OPRD1: variants seen among roughly 807,000 people sequenced by gnomAD.
OPRD1 encodes the protein delta-type opioid receptor.
OPRD1 carries 19 observed loss-of-function variants against 17.5 expected under a neutral mutation model. That is an observed-to-expected ratio of 1.09 (90% CI 0.76 to 1.60). The LOEUF (loss-of-function observed/expected upper bound fraction) is 1.60. OPRD1 is among the 40% of genes most tolerant of loss of function. The probability of loss-of-function intolerance (pLI) is 0.00; values close to 1 mark genes in which losing one functional copy is unlikely to be tolerated. For missense variants in OPRD1, 483 were observed against 547.2 expected, an observed-to-expected ratio of 0.88 and a Z score of 1.17; for synonymous variants, 256 against 240.9, an observed-to-expected ratio of 1.06 and a Z score of -0.58.
chr1:28,856,048 C>T (rs2089054739), intron 1 of OPRD1, among the ~76,000 whole-genome samples: 1 of 152,188 alleles, frequency 6.6e-6, no homozygotes, highest in African/African-American at 2.4e-5. Flanking sequence ...CTGAGTGCCT[C>T]GTCCTAGGTG....
At chr1:28,858,174 C>T (rs1220608744) in intron 1 of OPRD1, among the ~76,000 whole-genome samples, 2 of 141,122 alleles carry the variant, frequency 1.4e-5, no homozygotes, top group Admixed American at 7.6e-5. Context: ...AGTGCAGTGG[C>T]GCAATCTCGG....
At chr1:28,817,576 C>A (rs1447572415) in intron 1 of OPRD1, among the ~76,000 whole-genome samples, 1 of 152,198 alleles carries the variant, frequency 6.6e-6, no homozygotes, top group African/African-American at 2.4e-5. Flanking sequence ...GGGGTCTGGA[C>A]CCAGGGCCTC....
In OPRD1 at chr1:28,846,846, T is replaced by TTTCTTTCTTTCTTTCTTTTCTTTCTTTC. The variant is rs769212543; in HGVS notation, c.228-12106_228-12105insCTTTCTTTCTTTCTTTTCTTTCTTTCTT. Among the ~76,000 whole-genome samples, 70 of 76,878 alleles carry TTTCTTTCTTTCTTTCTTTTCTTTCTTTC rather than the reference T, an allele frequency of 9.1e-4. 1 individual carries two copies. The highest frequency in any genetic ancestry group is 8.2e-3 in the East Asian group (6 of 732). The allele number at this position is 76,878 out of a possible 152,430, so 50.4% of individuals were successfully genotyped here. On this transcript the variant is annotated intron_variant, in intron 1 of 2. Coordinates refer to ENST00000234961, the MANE Select transcript of OPRD1 (RefSeq NM_000911.4). ...TTTTCTTTCTTTCTTTCTTTCTTTC[T>TTTCTTTCTTTCTTTCTTTTCTTTCTTTC]TTTCTTTCTTTCTTTCTTTCTTTCT...
chr1:28,826,035 C>T (rs1249538381), intron 1 of OPRD1, among the ~76,000 whole-genome samples: 1 of 152,160 alleles, frequency 6.6e-6, no homozygotes, highest in Non-Finnish European at 1.5e-5. Context: ...AAAAGATGGA[C>T]AGTAAACAAA....
chr1:28,841,651 G>C (rs2088897890), intron 1 of OPRD1, among the ~76,000 whole-genome samples: 1 of 152,038 alleles, frequency 6.6e-6, no homozygotes, highest in Non-Finnish European at 1.5e-5. Context: ...ACAAAGGAAG[G>C]AATGTATTGA....
At chr1:28,856,084 C>A (rs1027112868) in intron 1 of OPRD1, among the ~76,000 whole-genome samples, 2 of 152,172 alleles carry the variant, frequency 1.3e-5, no homozygotes, top group African/African-American at 2.4e-5. Flanking sequence ...GGGATCAGAG[C>A]GATTCTAAAG....
intron 1 of OPRD1, among the ~76,000 whole-genome samples, chr1:28,824,460 C>T (rs1210149545): frequency 1.3e-5 from 2 of 151,196 alleles, no homozygotes; most frequent in African/African-American, 4.9e-5. Context: ...ACTACAGGCG[C>T]CCGCCACCAC....
intron 1 of OPRD1, among the ~76,000 whole-genome samples, chr1:28,820,050 C>A (rs1431164071): frequency 1.3e-5 from 2 of 152,052 alleles, no homozygotes; most frequent in African/African-American, 4.8e-5. Context: ...GTTCACGAGG[C>A]CTGATATGAG....
chr1:28,857,618 C>A (rs2089067888), intron 1 of OPRD1, among the ~76,000 whole-genome samples: 1 of 151,650 alleles, frequency 6.6e-6, no homozygotes, highest in African/African-American at 2.4e-5. Flanking sequence ...TAGGCACTCA[C>A]CACCATGCCT....
rs576284825 is a variant in OPRD1 at position 28,828,600 on chromosome 1, CGCTTGA to C, written c.227+15994_227+15999del. Among the ~76,000 whole-genome samples the C allele has an allele frequency of 2.3e-3, 340 of 149,846 alleles. 1 individual carries two copies. Among genetic ancestry groups the C allele is most frequent in the African/African-American group, 8.0e-3 (328 of 40,784 alleles). On this transcript the variant is annotated intron_variant, in intron 1 of 2. Transcript: ENST00000234961. ...ACTTTGGAAGCCGAAGAGGGAGAGT[CGCTTGA>C]GCTCAGAAGTTCGAAGCTGCACTGA...
intron 1 of OPRD1, among the ~76,000 whole-genome samples, chr1:28,821,936 G>A (rs936245764): frequency 6.7e-6 from 1 of 149,524 alleles, no homozygotes; most frequent in Non-Finnish European, 1.5e-5. Context: ...GTGTGTTTGC[G>A]CACATCTCAT....
intron 1 of OPRD1, among the ~76,000 whole-genome samples, chr1:28,828,715 C>T (rs1161293652): frequency 2.1e-5 from 3 of 141,686 alleles, no homozygotes; most frequent in Admixed American, 7.2e-5. Flanking sequence ...AAAAGCCAGG[C>T]GCAGTGGTTC....
chr1:28,863,475 C>A lies in OPRD1; in HGVS notation c.*192C>A. On this transcript the variant is annotated 3_prime_UTR_variant, in exon 3 of 3. Coordinates refer to ENST00000234961, the MANE Select transcript of OPRD1 (RefSeq NM_000911.4). ...CATGGGGTGGGCCTCTGGTTTGGGG[C>A]GAGGCAGAGGACAGATCAATGGCGC... 1.6e-6 allele frequency: 1 copy of A among 607,626 alleles called. No homozygotes were observed. Among genetic ancestry groups the A allele is most frequent in the Non-Finnish European group, 2.6e-6 (1 of 380,770 alleles). 37.6% of individuals were successfully genotyped at this position (607,626 alleles called of 1,614,324 possible).
Position 28,850,783 on chromosome 1 carries a change from A to AAATAAT in OPRD1, c.228-8126_228-8121dup, listed in dbSNP as rs144560328. Among the ~76,000 whole-genome samples the AAATAAT allele has an allele frequency of 5.9e-3, 805 of 135,894 alleles. 4 individuals are homozygous for AAATAAT. Among genetic ancestry groups the AAATAAT allele is most frequent in the East Asian group, 0.013 (58 of 4,592 alleles). 89.2% of individuals were successfully genotyped at this position (135,894 alleles called of 152,430 possible). A position where few individuals can be genotyped will look rare whatever the true frequency, so the allele number is the denominator to read the frequency against. On this transcript the variant is annotated intron_variant, in intron 1 of 2. Coordinates refer to ENST00000234961, the MANE Select transcript of OPRD1 (RefSeq NM_000911.4). ...TGGTGACAGAGCAAGATCTGTCTCA[A>AAATAAT]AATAATAATAATAATAATAATAATA...
chr1:28,852,843 C>A (rs566619898), intron 1 of OPRD1, among the ~76,000 whole-genome samples: 1 of 151,980 alleles, frequency 6.6e-6, no homozygotes, highest in Non-Finnish European at 1.5e-5. Flanking sequence ...CTTGGCCTCC[C>A]GAGTTGCTGA....
At chr1:28,813,315 GGCC>G (rs1259283173) in intron 1 of OPRD1, among the ~76,000 whole-genome samples, 4 of 152,182 alleles carry the variant, frequency 2.6e-5, no homozygotes, top group African/African-American at 9.7e-5. Context: ...GACAGCTGTG[GGCC>G]GCCAACCGGT....
At chr1:28,852,096 G>A (rs149634630) in intron 1 of OPRD1, among the ~76,000 whole-genome samples, 2,584 of 149,546 alleles carry the variant, frequency 0.017, 74 homozygotes, top group African/African-American at 0.06. Context: ...GAACCTGGGA[G>A]GCGGAGCTTG....
chr1:28,818,275 C>G (rs2088686335), intron 1 of OPRD1, among the ~76,000 whole-genome samples: 1 of 152,186 alleles, frequency 6.6e-6, no homozygotes, highest in Non-Finnish European at 1.5e-5. Flanking sequence ...CTGACCCATG[C>G]CAGGCCTGTC....
chr1:28,821,361 G>C (rs1370288138), intron 1 of OPRD1, among the ~76,000 whole-genome samples: 1 of 152,096 alleles, frequency 6.6e-6, no homozygotes, highest in East Asian at 1.9e-4. Context: ...ACCTGCCTTG[G>C]CCTCCCAAAG....
Sources: gnomAD v4.1 joint callset for allele counts (sites outside exome capture counted in the v4.1 genomes callset) on GRCh38, gnomAD v4.1.1 for gene constraint, MANE v1.5 for transcripts, NCBI Gene and HGNC (gene_info 2026-07-23, HGNC 2026-07-21) for gene names.